Variants in MFHAS1 observed in about 807,000 individuals in gnomAD.
MFHAS1 encodes multifunctional ROCO family signaling regulator 1.
Under a neutral mutation model 70.4 loss-of-function variants are expected in MFHAS1, and 50 were observed. The ratio of observed to expected loss-of-function variants is 0.71; its 90% CI spans 0.57 to 0.90. The LOEUF is 0.90. Among genes scored for constraint, MFHAS1 ranks in the 40% least tolerant of loss-of-function variants. The pLI is 0.00. For missense variants in MFHAS1, 1,795 were observed against 1,347.6 expected (o/e 1.33, Z -5.20); for synonymous variants, 952 against 620.0 (o/e 1.54, Z -7.96).
intron 1 of MFHAS1, among the ~76,000 whole-genome samples, chr8:8,797,713 G>T (rs1805957562): frequency 6.6e-6 from 1 of 152,140 alleles, no homozygotes; most frequent in Admixed American, 6.5e-5. Flanking sequence ...AATTTTCATG[G>T]TTATGGCAGG....
intron 1 of MFHAS1, among the ~76,000 whole-genome samples, chr8:8,841,197 G>A (rs961718637): frequency 3.9e-5 from 6 of 152,116 alleles, no homozygotes; most frequent in East Asian, 1.9e-4. Flanking sequence ...TTTTTGGGTC[G>A]GGCGTGGTGG....
intron 1 of MFHAS1, among the ~76,000 whole-genome samples, chr8:8,874,904 T>A (rs1809230611): frequency 6.7e-6 from 1 of 149,286 alleles, no homozygotes; most frequent in Non-Finnish European, 1.5e-5. Flanking sequence ...AACACTGTGA[T>A]TAAAAAAAAA....
intron 2 of MFHAS1, among the ~76,000 whole-genome samples, chr8:8,787,926 G>A (rs191092511): frequency 6.6e-6 from 1 of 152,136 alleles, no homozygotes; most frequent in Admixed American, 6.5e-5. Flanking sequence ...CCACATTTGG[G>A]ATCTTAGAGA....
intron 1 of MFHAS1, among the ~76,000 whole-genome samples, chr8:8,819,949 C>T (rs531324853): frequency 1.3e-5 from 2 of 152,272 alleles, no homozygotes; most frequent in South Asian, 4.1e-4. Flanking sequence ...CCTCCCGCCT[C>T]GGCCTCCCAA....
intron 1 of MFHAS1, among the ~76,000 whole-genome samples, chr8:8,864,276 C>A (rs1419251757): frequency 6.6e-6 from 1 of 152,198 alleles, no homozygotes; most frequent in Non-Finnish European, 1.5e-5. Context: ...CCATTTTCTG[C>A]CCCTATGCTC....
intron 1 of MFHAS1, among the ~76,000 whole-genome samples, chr8:8,852,500 C>A (rs1273694805): frequency 1.3e-5 from 2 of 151,970 alleles, no homozygotes; most frequent in Non-Finnish European, 2.9e-5. Context: ...CACATACACA[C>A]AAACACACAC....
At chr8:8,858,032 G>A (rs183459499) in intron 1 of MFHAS1, among the ~76,000 whole-genome samples, 2 of 152,188 alleles carry the variant, frequency 1.3e-5, no homozygotes, top group Non-Finnish European at 2.9e-5. Flanking sequence ...CTGAGACAAT[G>A]ACTGGTGTTC....
Position 8,891,827 on chromosome 8 carries a change from T to C in MFHAS1, c.1232A>G (p.Lys411Arg). ...AGCCTTATGCCCCATCAGGAGCAGC[T>C]TGAGCCGGGGCTGCACCGCCGGCTG... ...HSQPAVQPRL[K>R]LLLMGHKAAG... Residue 411 changes from lysine (K) to arginine (R), a missense_variant, in exon 1 of 3, where the codon AAG (lysine) becomes AGG (arginine). By Grantham distance (26) the Lys-to-Arg change is conservative. Coordinates refer to ENST00000276282, the MANE Select transcript of MFHAS1 (RefSeq NM_004225.3). This position sits in a 1 kb window ranked among gnomAD's most constrained non-coding sequence, Gnocchi z 5.4. The C allele has an allele frequency of 1.2e-6, 2 of 1,613,182 alleles. No homozygotes were observed. Among genetic ancestry groups the C allele is most frequent in the Non-Finnish European group, 1.7e-6 (2 of 1,179,920 alleles).
intron 1 of MFHAS1, among the ~76,000 whole-genome samples, chr8:8,818,515 AC>A (rs1218546657): frequency 6.6e-6 from 1 of 152,116 alleles, no homozygotes; most frequent in Non-Finnish European, 1.5e-5. Context: ...CCACTGGATA[AC>A]CCTGTGGAAC....
chr8:8,880,869 G>T (rs1040073882), intron 1 of MFHAS1, among the ~76,000 whole-genome samples: 1 of 152,046 alleles, frequency 6.6e-6, no homozygotes, highest in East Asian at 1.9e-4. Context: ...ATTTTTAGTA[G>T]AGATGAGGGT....
intron 1 of MFHAS1, among the ~76,000 whole-genome samples, chr8:8,798,985 T>A (rs1172047104): frequency 6.6e-6 from 1 of 150,930 alleles, no homozygotes; most frequent in Non-Finnish European, 1.5e-5. Context: ...AAGGCAGAGG[T>A]TCCAGTGAGC....
chr8:8,820,731 G>A (rs1193532362), intron 1 of MFHAS1, among the ~76,000 whole-genome samples: 1 of 152,172 alleles, frequency 6.6e-6, no homozygotes, highest in African/African-American at 2.4e-5. Flanking sequence ...AGTCAGGATG[G>A]GAAAAACTCC....
intron 1 of MFHAS1, among the ~76,000 whole-genome samples, chr8:8,817,363 G>A (rs143421317): frequency 1.8e-3 from 270 of 152,224 alleles, no homozygotes; most frequent in Middle Eastern, 6.8e-3. Context: ...GAGGTAATTC[G>A]CTTAATAAAG....
chr8:8,784,310 A>G lies in MFHAS1; in HGVS notation c.*1712T>C, dbSNP rs907355483. On this transcript the variant is annotated 3_prime_UTR_variant, in exon 3 of 3. Coordinates refer to ENST00000276282, the MANE Select transcript of MFHAS1 (RefSeq NM_004225.3). ...CACACACACACACACGGAGACGCGC[A>G]CACACACACGAGAACTGTGACAAAA... The G allele has an allele frequency of 6.6e-6, 1 of 152,104 alleles. No homozygotes were observed. Among genetic ancestry groups the G allele is most frequent in the Non-Finnish European group, 1.5e-5 (1 of 67,988 alleles). The allele number at this position is 152,104 out of a possible 1,614,324, so 9.4% of individuals were successfully genotyped here.
At chr8:8,840,622 C>G (rs1029449342) in intron 1 of MFHAS1, among the ~76,000 whole-genome samples, 3 of 152,182 alleles carry the variant, frequency 2.0e-5, no homozygotes, top group African/African-American at 7.2e-5. Context: ...CAAAAGTATC[C>G]TTCAGTTCTT....
intron 1 of MFHAS1, among the ~76,000 whole-genome samples, chr8:8,828,170 G>A (rs115395705): frequency 0.011 from 1,602 of 152,238 alleles, 25 homozygotes; most frequent in African/African-American, 0.036. Flanking sequence ...AAATATACAA[G>A]GGAACTCGTC....
chr8:8,790,076 C>T (rs2117244364), intron 2 of MFHAS1, among the ~76,000 whole-genome samples: 1 of 152,210 alleles, frequency 6.6e-6, no homozygotes, highest in African/African-American at 2.4e-5. Context: ...AAATGACTTC[C>T]TTTTTTGAAC....
chr8:8,871,163 T>C (rs1209613274), intron 1 of MFHAS1, among the ~76,000 whole-genome samples: 2 of 152,158 alleles, frequency 1.3e-5, no homozygotes, highest in African/African-American at 2.4e-5. Flanking sequence ...CCCCTGGCCA[T>C]ATGACTTAGC....
At chr8:8,856,915 G>A (rs1280425826) in intron 1 of MFHAS1, among the ~76,000 whole-genome samples, 2 of 122,286 alleles carry the variant, frequency 1.6e-5, no homozygotes, top group Non-Finnish European at 3.2e-5. Context: ...ATCAGAAAGA[G>A]AAATATATTC....
Sources: allele counts gnomAD v4.1 joint callset (sites outside exome capture counted in the v4.1 genomes callset), GRCh38; gene constraint gnomAD v4.1.1; non-coding constraint Gnocchi (gnomAD v3.1); transcripts MANE v1.5; gene names NCBI Gene and HGNC (gene_info 2026-07-23, HGNC 2026-07-21).